ARHGAP21: variants seen among roughly 807,000 people sequenced by gnomAD.
The protein encoded by ARHGAP21 is rho GTPase-activating protein 21.
Under a neutral mutation model 164.6 loss-of-function variants are expected in ARHGAP21, and 38 were observed. That is an observed-to-expected ratio of 0.23 (90% CI 0.18 to 0.30). The LOEUF is 0.30. Among genes scored for constraint, ARHGAP21 ranks in the 10% least tolerant of loss-of-function variants. The pLI, the probability that ARHGAP21 is intolerant of heterozygous loss-of-function variation, is 1.00. For synonymous variants in ARHGAP21, 766 were observed against 857.9 expected (o/e 0.89, Z 1.87); for missense variants, 1,822 against 2,370.7 (o/e 0.77, Z 4.81).
At chr10:24,697,931 T>C (rs1202492684) in intron 2 of ARHGAP21, among the ~76,000 whole-genome samples, 1 of 152,148 alleles carries the variant, frequency 6.6e-6, no homozygotes. Context: ...AAAGAGCCAG[T>C]AGTGTCAGAG....
intron 4 of ARHGAP21, among the ~76,000 whole-genome samples, chr10:24,642,939 T>C (rs989001107): frequency 1.3e-5 from 2 of 152,198 alleles, no homozygotes; most frequent in Non-Finnish European, 2.9e-5. Context: ...AAAATGCTAA[T>C]AGTAAAAATT....
At chr10:24,610,934 T>C (rs980550868) in intron 9 of ARHGAP21, among the ~76,000 whole-genome samples, 25 of 152,354 alleles carry the variant, frequency 1.6e-4, no homozygotes, top group African/African-American at 3.6e-4. Flanking sequence ...TAAAAACCTA[T>C]TACTGAAATG....
intron 2 of ARHGAP21, among the ~76,000 whole-genome samples, chr10:24,721,189 A>C (rs1845890405): frequency 6.6e-6 from 1 of 152,196 alleles, no homozygotes; most frequent in Non-Finnish European, 1.5e-5. Context: ...AGCAGCTCAC[A>C]GAACTTCAGA....
chr10:24,591,720 A>C, intron 22 of ARHGAP21, 37 bp from the exon 23 acceptor site: 1 of 1,611,156 alleles, frequency 6.2e-7, no homozygotes, highest in Non-Finnish European at 8.5e-7. Flanking sequence ...AAATTAAACA[A>C]GCCTTTAAAT....
At chr10:24,683,785 G>A (rs1841989496) in intron 2 of ARHGAP21, among the ~76,000 whole-genome samples, 1 of 152,044 alleles carries the variant, frequency 6.6e-6, no homozygotes, top group African/African-American at 2.4e-5. Context: ...CTTCCCTTTG[G>A]ACATGCACAC....
intron 24 of ARHGAP21, chr10:24,590,116 G>A (rs2076270619): frequency 2.5e-6 from 3 of 1,190,844 alleles, no homozygotes; most frequent in Non-Finnish European, 3.2e-6. Flanking sequence ...AGGGAAATTG[G>A]TTTTCAGAAT....
chr10:24,704,775 T>C (rs964055670), intron 2 of ARHGAP21, among the ~76,000 whole-genome samples: 1 of 152,046 alleles, frequency 6.6e-6, no homozygotes, highest in African/African-American at 2.4e-5. Context: ...GGTGGTAATT[T>C]TTCTATTTTT....
At chr10:24,633,538 C>A in intron 5 of ARHGAP21, 58 bp from the exon 6 acceptor site, 1 of 1,140,754 alleles carries the variant, frequency 8.8e-7, no homozygotes, top group Middle Eastern at 2.0e-4. Flanking sequence ...CTTTTGAACA[C>A]TTTTGAAATA....
chr10:24,634,043 CAAAG>C (rs1836127419), intron 5 of ARHGAP21, among the ~76,000 whole-genome samples: 1 of 151,528 alleles, frequency 6.6e-6, no homozygotes, highest in Non-Finnish European at 1.5e-5. Context: ...AAGACAGAAA[CAAAG>C]AACAGAGGAA....
chr10:24,702,127 C>CTTTTTTTTTT (rs71798625), intron 2 of ARHGAP21, among the ~76,000 whole-genome samples: 3 of 104,626 alleles, frequency 2.9e-5, no homozygotes, highest in Non-Finnish European at 5.4e-5. Context: ...ACTTCCGGTT[C>CTTTTTTTTTT]TTTTTTTTTT....
chr10:24,609,300 G>C (rs954583096), intron 9 of ARHGAP21, among the ~76,000 whole-genome samples: 1 of 152,140 alleles, frequency 6.6e-6, no homozygotes, highest in Non-Finnish European at 1.5e-5. Flanking sequence ...TGTGTCCCTG[G>C]ATTTCCTGAT....
At chr10:24,636,011 T>C (rs933038399) in intron 4 of ARHGAP21, among the ~76,000 whole-genome samples, 7 of 152,060 alleles carry the variant, frequency 4.6e-5, no homozygotes, top group Non-Finnish European at 7.4e-5. Flanking sequence ...GTCATGGCAA[T>C]GAGGAGAGCA....
chr10:24,678,876 G>T (rs1841516716), intron 2 of ARHGAP21, among the ~76,000 whole-genome samples: 1 of 152,172 alleles, frequency 6.6e-6, no homozygotes, highest in African/African-American at 2.4e-5. Flanking sequence ...AACCATTTGG[G>T]ATTGGCTTTT....
At chr10:24,649,246 G>A (rs1450633012) in intron 4 of ARHGAP21, among the ~76,000 whole-genome samples, 7 of 152,198 alleles carry the variant, frequency 4.6e-5, no homozygotes, top group African/African-American at 1.7e-4. Flanking sequence ...GAACCATAGT[G>A]TATATACATG....
chr10:24,596,481 A>C, intron 17 of ARHGAP21: 1 of 550,266 alleles, frequency 1.8e-6, no homozygotes. Flanking sequence ...TGCTAAAAGC[A>C]GAAACACACG....
intron 7 of ARHGAP21, among the ~76,000 whole-genome samples, chr10:24,625,216 T>C (rs1057038574): frequency 7.0e-6 from 1 of 143,802 alleles, no homozygotes; most frequent in African/African-American, 2.6e-5. Context: ...AACCCTAAAA[T>C]AATCTCTAGT....
At chr10:24,711,136 A>AGGAG (rs1420109013) in intron 2 of ARHGAP21, among the ~76,000 whole-genome samples, 13 of 48,500 alleles carry the variant, frequency 2.7e-4, no homozygotes, top group Non-Finnish European at 1.2e-4. Context: ...GAAGGAAGGA[A>AGGAG]GGAGGGAGGG....
At chr10:24,633,816 T>G (rs541063972) in intron 5 of ARHGAP21, among the ~76,000 whole-genome samples, 4 of 151,532 alleles carry the variant, frequency 2.6e-5, no homozygotes, top group Middle Eastern at 6.9e-3. Context: ...ATACTACTTA[T>G]GCTCCTATCA....
At chr10:24,597,899 A>G (rs1477810561) in intron 15 of ARHGAP21, 46 bp downstream of exon 15, 1 of 1,563,114 alleles carries the variant, frequency 6.4e-7, no homozygotes, top group Non-Finnish European at 8.8e-7. Context: ...GGATGACTGT[A>G]CTGATTTTAT....
Sources: allele counts gnomAD v4.1 joint callset (sites outside exome capture counted in the v4.1 genomes callset), GRCh38; gene constraint gnomAD v4.1.1; transcripts MANE v1.5; gene names NCBI Gene and HGNC (gene_info 2026-07-23, HGNC 2026-07-21).